The following NOX4 variants were observed in gnomAD, a reference collection of about 807,000 sequenced individuals.
The protein encoded by NOX4 is kidney oxidase-1.
Under a neutral mutation model 87.6 loss-of-function variants are expected in NOX4, and 69 were observed. The ratio of observed to expected loss-of-function variants is 0.79; its 90% confidence interval spans 0.65 to 0.96. The LOEUF is 0.96. NOX4 is among the 40% of genes least tolerant of loss of function. The pLI is 0.00. For missense variants in NOX4, 680 were observed against 681.5 expected (o/e 1.00, Z 0.02); for synonymous variants, 275 against 238.2 (o/e 1.15, Z -1.42).
chr11:89,383,445 A>C (rs1940447953), intron 11 of NOX4, among the ~76,000 whole-genome samples: 1 of 152,194 alleles, frequency 6.6e-6, no homozygotes, highest in African/African-American at 2.4e-5. Context: ...TTCTCGGCTT[A>C]GTGACTGAAG....
the NOX4 span, among the ~76,000 whole-genome samples, chr11:89,587,348 A>T: frequency 1.3e-5 from 2 of 152,200 alleles, no homozygotes; most frequent in Non-Finnish European, 2.9e-5. Flanking sequence ...GTAAGAAGAT[A>T]ATGTACTGAA....
intron 12 of NOX4, among the ~76,000 whole-genome samples, chr11:89,366,700 G>GAA (rs11314993): frequency 1.9e-4 from 21 of 113,118 alleles, no homozygotes; most frequent in Non-Finnish European, 3.2e-4. Flanking sequence ...AAACTGAAAA[G>GAA]AAAAAAAAAA....
the NOX4 span, among the ~76,000 whole-genome samples, chr11:89,570,706 C>G: frequency 6.6e-6 from 1 of 152,128 alleles, no homozygotes; most frequent in East Asian, 1.9e-4. Context: ...TGGTGCATAC[C>G]TGTAGTTGCA....
the NOX4 span, among the ~76,000 whole-genome samples, chr11:89,511,380 C>T: frequency 2.6e-5 from 4 of 151,880 alleles, no homozygotes; most frequent in African/African-American, 4.8e-5. Context: ...CTTTTGTCAA[C>T]GTTTCTCTTT....
intron 8 of NOX4, among the ~76,000 whole-genome samples, chr11:89,406,000 G>T (rs780740571): frequency 2.1e-4 from 32 of 152,012 alleles, no homozygotes; most frequent in Non-Finnish European, 4.1e-4. Flanking sequence ...GCTTTATATG[G>T]CTATAGACTT....
intron 11 of NOX4, among the ~76,000 whole-genome samples, chr11:89,394,236 A>C (rs1221380937): frequency 6.6e-6 from 1 of 152,150 alleles, no homozygotes; most frequent in Non-Finnish European, 1.5e-5. Context: ...AAAGTAAAAA[A>C]GTTTTCAGTG....
chr11:89,515,434 G>T, the NOX4 span, among the ~76,000 whole-genome samples: 2 of 150,996 alleles, frequency 1.3e-5, no homozygotes, highest in Non-Finnish European at 3.0e-5. Context: ...TCTTATTGCA[G>T]TGTGTCTGTT....
chr11:89,370,219 C>T (rs1341393622), intron 12 of NOX4, among the ~76,000 whole-genome samples: 2 of 152,026 alleles, frequency 1.3e-5, no homozygotes, highest in South Asian at 2.1e-4. Context: ...AAAACTTTTC[C>T]AGTAGACAAC....
chr11:89,339,657 G>T (rs1289337846), intron 15 of NOX4, among the ~76,000 whole-genome samples: 1 of 152,128 alleles, frequency 6.6e-6, no homozygotes, highest in Non-Finnish European at 1.5e-5. Context: ...CAGTATTAAA[G>T]ATGGCAATCA....
intron 7 of NOX4, among the ~76,000 whole-genome samples, chr11:89,427,537 T>C (rs1395681794): frequency 6.6e-6 from 1 of 152,064 alleles, no homozygotes. Context: ...AATGACCTGA[T>C]GGAGCTGAAA....
At chr11:89,410,657 C>T (rs188034291) in intron 8 of NOX4, among the ~76,000 whole-genome samples, 31 of 152,298 alleles carry the variant, frequency 2.0e-4, no homozygotes, top group Admixed American at 1.3e-3. Flanking sequence ...AGCCAGAGCC[C>T]ACAGAGGGAG....
intron 8 of NOX4, among the ~76,000 whole-genome samples, chr11:89,417,861 T>C (rs1942868459): frequency 6.6e-6 from 1 of 152,112 alleles, no homozygotes; most frequent in South Asian, 2.1e-4. Context: ...ATTTAATTGC[T>C]AACAAAAAGC....
Position 89,337,444 on chromosome 11 carries a change from T to C in NOX4, c.1515+3A>G. 6.2e-7 allele frequency: 1 copy of C among 1,611,908 alleles called. No individual in the cohort carries two copies. The highest frequency in any genetic ancestry group is 8.5e-7 in the Non-Finnish European group (1 of 1,178,508). On this transcript the variant is annotated splice_donor_region_variant and intron_variant, in intron 16 of 17. Coordinates refer to ENST00000263317, the MANE Select transcript of NOX4 (RefSeq NM_016931.5). ...TTAATTTACGATAACATCAACCACA[T>C]ACCTGTATCCCATCTGTTTGACTGA...
intron 7 of NOX4, among the ~76,000 whole-genome samples, chr11:89,426,621 G>A (rs1046751382): frequency 3.3e-5 from 5 of 152,128 alleles, no homozygotes; most frequent in Admixed American, 6.6e-5. Flanking sequence ...AACCTCACTC[G>A]TTGCTAGCAC....
intron 8 of NOX4, among the ~76,000 whole-genome samples, chr11:89,415,745 A>T (rs1300089797): frequency 1.3e-5 from 2 of 152,220 alleles, no homozygotes; most frequent in East Asian, 3.9e-4. Context: ...AGTAATGGGC[A>T]CCAAACTGAT....
intron 2 of NOX4, among the ~76,000 whole-genome samples, chr11:89,461,413 G>C (rs1036179319): frequency 1.1e-4 from 17 of 152,130 alleles, no homozygotes; most frequent in African/African-American, 3.6e-4. Context: ...GGGAGGCTAA[G>C]GCTGGCGGAT....
At chr11:89,514,558 A>G in the NOX4 span, among the ~76,000 whole-genome samples, 68 of 152,134 alleles carry the variant, frequency 4.5e-4, no homozygotes, top group Middle Eastern at 6.8e-3. Context: ...ATTAGCAAGA[A>G]CAGATAACCT....
intron 11 of NOX4, among the ~76,000 whole-genome samples, chr11:89,383,593 G>A (rs567355670): frequency 1.3e-3 from 204 of 152,196 alleles, no homozygotes; most frequent in African/African-American, 4.7e-3. Context: ...CTTTTCAAGG[G>A]CATGTTTCCC....
At chr11:89,558,209 G>A in the NOX4 span, among the ~76,000 whole-genome samples, 5 of 152,004 alleles carry the variant, frequency 3.3e-5, no homozygotes, top group African/African-American at 7.2e-5. Context: ...GCTCAGAGTC[G>A]ATGCCCTTTA....
Sources: gnomAD v4.1 joint callset for allele counts (sites outside exome capture counted in the v4.1 genomes callset) on GRCh38, gnomAD v4.1.1 for gene constraint, MANE v1.5 for transcripts, NCBI Gene and HGNC (gene_info 2026-07-23, HGNC 2026-07-21) for gene names.